Variants in FAM124A observed in about 807,000 individuals in gnomAD.
FAM124A encodes family with sequence similarity 124 member A, also known as protein FAM124A.
FAM124A carries 23 observed loss-of-function variants against 24.5 expected under a neutral mutation model. The observed-to-expected ratio is 0.94, with a 90% CI of 0.68 to 1.33. FAM124A has a LOEUF of 1.33. FAM124A is among the 40% of genes most tolerant of loss of function. The probability of loss-of-function intolerance (pLI) is 0.00; values close to 1 mark genes in which losing one functional copy is unlikely to be tolerated. For missense variants in FAM124A, 623 were observed against 722.8 expected (o/e 0.86, Z 1.58); for synonymous variants, 287 against 314.7 (o/e 0.91, Z 0.93).
Position 51,280,747 on chromosome 13 carries a change from G to A in FAM124A, c.1132G>A (p.Glu378Lys). 1 of 1,614,220 alleles carries A rather than the reference G, an allele frequency of 6.2e-7. No homozygotes were observed. Among genetic ancestry groups the A allele is most frequent in the Non-Finnish European group, 8.5e-7 (1 of 1,180,042 alleles). ...TGGPSLASSA[E>K]PQWFSNTGAP... ...AGGCCCCTCCCTGGCCTCCTCAGCT[G>A]AACCACAGTGGTTTTCAAACACAGG... The change falls in exon 4 of 4, where the codon GAA (glutamate) becomes AAA (lysine). Residue 378 changes from glutamate to lysine, a missense_variant. By Grantham distance (56) the Glu-to-Lys change is moderately conservative. Transcript: ENST00000322475.
chr13:51,251,514 C>A lies in FAM124A; in HGVS notation c.147C>A (p.Ile49=), dbSNP rs111302650. ...CGCAGGACCCTTTCCTGGTCAGCAT[C>A]CACATAATCGCAGACCCAGGGGAGT... The part of the protein sequence containing the change: ...EEAQDPFLVS[I]HIIADPGESQ... The change falls in exon 3 of 4, where the codon ATC becomes ATA. Residue 49 remains isoleucine, a synonymous_variant. Transcript: ENST00000322475. The surrounding 1 kb of genome is among the most constrained non-coding windows in gnomAD (Gnocchi z 5.3). 2.0e-6 allele frequency: 3 copies of A among 1,511,934 alleles called. No individual in the cohort carries two copies. Among genetic ancestry groups the A allele is most frequent in the Non-Finnish European group, 2.7e-6 (3 of 1,129,734 alleles). 93.7% of individuals were successfully genotyped at this position (1,511,934 alleles called of 1,614,324 possible). A position where few individuals can be genotyped will look rare whatever the true frequency, so the allele number is the denominator to read the frequency against.
At chr13:51,255,237 A>T (rs1954663037) in intron 3 of FAM124A, among the ~76,000 whole-genome samples, 1 of 152,246 alleles carries the variant, frequency 6.6e-6, no homozygotes, top group Non-Finnish European at 1.5e-5. Context: ...GTAGAAGGCA[A>T]ATATTGATAG....
In FAM124A at chr13:51,251,912, A is replaced by G. The variant is rs1284568840; in HGVS notation, c.545A>G (p.Asn182Ser). The change falls in exon 3 of 4, where the codon AAC (asparagine) becomes AGC (serine). Residue 182 changes from asparagine to serine, a missense_variant. By Grantham distance (46) the Asn-to-Ser change is conservative. Transcript: ENST00000322475. This position sits in a 1 kb window ranked among gnomAD's most constrained non-coding sequence, Gnocchi z 5.3. ...TTCACCGTCTACTGTCGCTACGACAACTATGCTGACAGCCTCAGGTTCTAC... is the reference window on the plus strand; with the variant it reads ...TTCACCGTCTACTGTCGCTACGACAGCTATGCTGACAGCCTCAGGTTCTAC... ...VRFTVYCRYD[N>S]YADSLRFYQL... 2.5e-6 allele frequency: 4 copies of G among 1,614,170 alleles called. No individual in the cohort carries two copies. Among genetic ancestry groups the G allele is most frequent in the Admixed American group, 1.7e-5 (1 of 60,036 alleles).
chr13:51,243,645 T>G (rs1048233909), intron 2 of FAM124A, among the ~76,000 whole-genome samples: 5 of 152,192 alleles, frequency 3.3e-5, no homozygotes, highest in Non-Finnish European at 5.9e-5. Context: ...GTGATTCTCC[T>G]GACTCAGCCT....
intron 3 of FAM124A, among the ~76,000 whole-genome samples, chr13:51,279,149 T>A (rs1954912532): frequency 6.6e-6 from 1 of 152,144 alleles, no homozygotes; most frequent in Admixed American, 6.5e-5. Context: ...ATTGTCCCCC[T>A]CCCCCGGAAA....
At chr13:51,255,744 G>A (rs1954668432) in intron 3 of FAM124A, among the ~76,000 whole-genome samples, 2 of 143,850 alleles carry the variant, frequency 1.4e-5, no homozygotes, top group South Asian at 4.6e-4. Context: ...GGCCAGGTAT[G>A]CCCAGCCAGA....
Position 51,280,691 on chromosome 13 carries a change from G to C in FAM124A, c.1076G>C (p.Arg359Thr). 6.2e-7 allele frequency: 1 copy of C among 1,614,160 alleles called. No homozygotes were observed. Among genetic ancestry groups the C allele is most frequent in the East Asian group, 2.2e-5 (1 of 44,854 alleles). The change falls in exon 4 of 4, where the codon AGA (arginine) becomes ACA (threonine). Residue 359 changes from arginine to threonine, a missense_variant. By Grantham distance (71) the Arg-to-Thr change is moderately conservative. Transcript: ENST00000322475. ...STPNPPWSFQRSKSLFCLPTG... is the reference protein window; with the variant it reads ...STPNPPWSFQTSKSLFCLPTG... ...CCCAACCCTCCCTGGTCTTTCCAGA[G>C]AAGCAAGTCCTTGTTTTGTTTGCCC...
At chr13:51,250,657 A>T (rs562510313) in intron 2 of FAM124A, among the ~76,000 whole-genome samples, 1 of 152,340 alleles carries the variant, frequency 6.6e-6, no homozygotes, top group Admixed American at 6.5e-5. Flanking sequence ...AGCAAGGGAC[A>T]CAAAAGGTAG....
intron 3 of FAM124A, among the ~76,000 whole-genome samples, chr13:51,262,860 A>C (rs1954750641): frequency 6.6e-6 from 1 of 152,240 alleles, no homozygotes; most frequent in Admixed American, 6.5e-5. Context: ...TTACCCAGGC[A>C]ACTAGCTCAG....
intron 2 of FAM124A, among the ~76,000 whole-genome samples, chr13:51,241,719 A>G (rs138537850): frequency 8.7e-4 from 123 of 140,914 alleles, no homozygotes; most frequent in Non-Finnish European, 5.4e-4. Flanking sequence ...AAAATATTTG[A>G]ATATTCCACT....
rs768088585 is a variant in FAM124A, at chr13:51,231,429, G to A, written c.100+50G>A. On this transcript the variant is annotated intron_variant, in intron 2 of 3. Coordinates refer to ENST00000322475, the MANE Select transcript of FAM124A (RefSeq NM_001242312.2). The stretch of plus-strand genomic sequence containing the variant: ...AGCATTGTCTAACGGTCCCCGGAGA[G>A]GTCAGTACCCTAGAGGCCATGTGTG... The A allele has an allele frequency of 9.4e-6, 15 of 1,596,646 alleles. No individual in the cohort carries two copies. The African/African-American group carries it at 1.1e-4, about 12-fold the overall frequency.
At chr13:51,265,903 T>C (rs1299543992) in intron 3 of FAM124A, among the ~76,000 whole-genome samples, 1 of 152,224 alleles carries the variant, frequency 6.6e-6, no homozygotes, top group Non-Finnish European at 1.5e-5. Context: ...ATATGTGGGA[T>C]TTATATACAT....
chr13:51,247,202 C>T (rs558641266), intron 2 of FAM124A, among the ~76,000 whole-genome samples: 1 of 152,190 alleles, frequency 6.6e-6, no homozygotes, highest in Non-Finnish European at 1.5e-5. Context: ...CGGGAGCTGC[C>T]GTGGCCACAC....
chr13:51,238,486 C>A (rs943676117), intron 2 of FAM124A, among the ~76,000 whole-genome samples: 1 of 152,198 alleles, frequency 6.6e-6, no homozygotes, highest in African/African-American at 2.4e-5. Flanking sequence ...TAGGATCCAC[C>A]TAATATCTAG....
At chr13:51,275,083 G>A (rs1003055119) in intron 3 of FAM124A, among the ~76,000 whole-genome samples, 1 of 152,086 alleles carries the variant, frequency 6.6e-6, no homozygotes. Context: ...TTTTAAAATA[G>A]AGCAAGGGGC....
At position 51,247,315 on chromosome 13, in the gene FAM124A, C is replaced by T. The variant is rs550153795; in HGVS notation, c.101-4153C>T. On this transcript the variant is annotated intron_variant, in intron 2 of 3. Coordinates refer to ENST00000322475, the MANE Select transcript of FAM124A (RefSeq NM_001242312.2). ...CTGGGCTGATGGTGCACACGGAACTCGGATACTGGAGCTAGTGCTCATACT... is the reference window on the plus strand; with the variant it reads ...CTGGGCTGATGGTGCACACGGAACTTGGATACTGGAGCTAGTGCTCATACT... Among the ~76,000 whole-genome samples, 15 of 152,352 alleles carry T rather than the reference C, an allele frequency of 9.8e-5. No homozygotes were observed. In the South Asian group the frequency reaches 2.7e-3, roughly 27 times the overall value.
At position 51,251,198 on chromosome 13, in the gene FAM124A, A is replaced by G. The variant is rs1260970579; in HGVS notation, c.101-270A>G. ...AGTCAAATGTTCCCTATACCAACCA[A>G]CCTGATGAAATACAGGACCAAGGTT... On this transcript the variant is annotated intron_variant, in intron 2 of 3. Transcript: ENST00000322475. The surrounding 1 kb of genome is among the most constrained non-coding windows in gnomAD (Gnocchi z 5.3). 6.6e-6 allele frequency among the ~76,000 whole-genome samples: 1 copy of G among 152,158 alleles called. No homozygotes were observed. The highest frequency in any genetic ancestry group is 1.5e-5 in the Non-Finnish European group (1 of 68,034).
chr13:51,263,849 G>T (rs1413422791), intron 3 of FAM124A, among the ~76,000 whole-genome samples: 2 of 152,166 alleles, frequency 1.3e-5, no homozygotes, highest in Non-Finnish European at 2.9e-5. Context: ...TATAGCAAGG[G>T]CAGAGAAAGG....
intron 3 of FAM124A, among the ~76,000 whole-genome samples, chr13:51,263,144 G>A (rs901787046): frequency 1.3e-5 from 2 of 152,232 alleles, no homozygotes; most frequent in Non-Finnish European, 1.5e-5. Flanking sequence ...TGGCCCTAAA[G>A]GGAGGTGGTA....
Sources: gnomAD v4.1 joint callset for allele counts (sites outside exome capture counted in the v4.1 genomes callset) on GRCh38, gnomAD v4.1.1 for gene constraint, Gnocchi (gnomAD v3.1) non-coding constraint, MANE v1.5 for transcripts, NCBI Gene and HGNC (gene_info 2026-07-23, HGNC 2026-07-21) for gene names.